The following UXS1 variants were observed in gnomAD, a reference collection of about 807,000 sequenced individuals.
The protein encoded by UXS1 is UDP-glucuronate decarboxylase 1, also known as UDP-glucuronic acid decarboxylase 1.
In UXS1, 33 loss-of-function variants were observed where a neutral mutation model predicts 62.6. The ratio of observed to expected loss-of-function variants is 0.53; its 90% CI spans 0.40 to 0.70. The LOEUF (loss-of-function observed/expected upper bound fraction) is 0.70. Among genes scored for constraint, UXS1 ranks in the 30% least tolerant of loss-of-function variants. The pLI is 0.00. For synonymous variants in UXS1, 213 were observed against 206.8 expected, an observed-to-expected ratio of 1.03 and a Z score of -0.26; for missense variants, 434 against 556.3, an observed-to-expected ratio of 0.78 and a Z score of 2.21.
intron 10 of UXS1, among the ~76,000 whole-genome samples, chr2:106,106,655 AG>A (rs1678095793): frequency 6.6e-6 from 1 of 152,170 alleles, no homozygotes; most frequent in Non-Finnish European, 1.5e-5. Flanking sequence ...TTGGAAGCAG[AG>A]GGGAATTCCT....
intron 4 of UXS1, chr2:106,160,099 G>C (rs567581889): frequency 1.3e-5 from 2 of 152,256 alleles, no homozygotes; most frequent in Non-Finnish European, 2.9e-5. Context: ...AGTCAGGAGC[G>C]ATGCTGTTAG....
At chr2:106,125,727 G>A in intron 7 of UXS1, 48 bp from the exon 8 acceptor site, 1 of 1,492,916 alleles carries the variant, frequency 6.7e-7, no homozygotes, top group Middle Eastern at 1.7e-4. Flanking sequence ...TACATGTGCA[G>A]GCACATTTTT....
intron 6 of UXS1, among the ~76,000 whole-genome samples, chr2:106,141,210 C>G (rs551957519): frequency 6.6e-6 from 1 of 151,920 alleles, no homozygotes; most frequent in East Asian, 1.9e-4. Context: ...TAAGCAGCTG[C>G]CAAAAAAGGT....
intron 6 of UXS1, among the ~76,000 whole-genome samples, chr2:106,140,736 C>T (rs934350449): frequency 3.3e-5 from 5 of 152,198 alleles, no homozygotes; most frequent in African/African-American, 1.2e-4. Flanking sequence ...ATTAGAATAG[C>T]ATTTGGAATA....
intron 8 of UXS1, among the ~76,000 whole-genome samples, chr2:106,123,927 T>C (rs1396209185): frequency 6.6e-6 from 1 of 152,212 alleles, no homozygotes; most frequent in Non-Finnish European, 1.5e-5. Context: ...AAGTCTGACT[T>C]GGGACTCAGT....
intron 5 of UXS1, among the ~76,000 whole-genome samples, chr2:106,150,092 C>T (rs1020071368): frequency 6.6e-6 from 1 of 152,132 alleles, no homozygotes; most frequent in Non-Finnish European, 1.5e-5. Context: ...GCAAAATTTA[C>T]AAGCCATGAG....
chr2:106,185,475 T>C (rs1684499886), intron 1 of UXS1, among the ~76,000 whole-genome samples: 1 of 152,154 alleles, frequency 6.6e-6, no homozygotes, highest in Admixed American at 6.5e-5. Flanking sequence ...CAATTCTGGC[T>C]CCTTGGAGAG....
intron 10 of UXS1, among the ~76,000 whole-genome samples, chr2:106,109,025 T>C (rs1249237049): frequency 6.6e-6 from 1 of 152,140 alleles, no homozygotes; most frequent in African/African-American, 2.4e-5. Context: ...CCTGGCCTGT[T>C]GTCAGCAAGA....
At chr2:106,190,041 C>G (rs1480819597) in intron 1 of UXS1, among the ~76,000 whole-genome samples, 1 of 152,178 alleles carries the variant, frequency 6.6e-6, no homozygotes, top group Non-Finnish European at 1.5e-5. Flanking sequence ...CGGGGCCCTT[C>G]TTCAGGAAGG....
chr2:106,112,640 A>AC lies in UXS1; in HGVS notation c.879+5dup. The AC allele has an allele frequency of 6.2e-7, 1 of 1,613,824 alleles. No homozygotes were observed. The highest frequency in any genetic ancestry group is 2.2e-5 in the East Asian group (1 of 44,866). On this transcript the variant is annotated splice_donor_region_variant and intron_variant, in intron 10 of 14. Coordinates refer to ENST00000283148, the MANE Select transcript of UXS1 (RefSeq NM_001253875.2). ...AGGTGCTCCCTGAGCCGAGGCCAGCACCTACCGTGAGTGGCTCCCCCTGGA... is the reference window on the plus strand; with the variant it reads ...AGGTGCTCCCTGAGCCGAGGCCAGCACCCTACCGTGAGTGGCTCCCCCTGGA...
intron 12 of UXS1, among the ~76,000 whole-genome samples, chr2:106,100,002 A>G (rs1458878203): frequency 1.3e-5 from 2 of 152,372 alleles, no homozygotes; most frequent in Non-Finnish European, 2.9e-5. Context: ...TGCATAAGCA[A>G]AGGTGACATG....
intron 4 of UXS1, among the ~76,000 whole-genome samples, chr2:106,159,595 T>A (rs1348812056): frequency 2.0e-5 from 3 of 152,330 alleles, no homozygotes; most frequent in African/African-American, 2.4e-5. Flanking sequence ...TTAAAAGTTA[T>A]TCAGTTAGGA....
intron 5 of UXS1, 25 bp downstream of exon 5, chr2:106,158,033 A>C: frequency 6.5e-7 from 1 of 1,530,802 alleles, no homozygotes; most frequent in Non-Finnish European, 8.9e-7. Context: ...AATATTACAA[A>C]TACTATTCAG....
At chr2:106,180,489 A>G (rs1255180506) in intron 1 of UXS1, among the ~76,000 whole-genome samples, 1 of 152,218 alleles carries the variant, frequency 6.6e-6, no homozygotes, top group Non-Finnish European at 1.5e-5. Flanking sequence ...TGCAATAAGT[A>G]TTTCAGTAAC....
intron 10 of UXS1, among the ~76,000 whole-genome samples, chr2:106,109,832 T>C (rs1336284725): frequency 6.6e-6 from 1 of 152,182 alleles, no homozygotes; most frequent in African/African-American, 2.4e-5. Flanking sequence ...ATCATACCCA[T>C]CCAGCTTGGA....
chr2:106,190,638 G>GA (rs1288594882), intron 1 of UXS1, among the ~76,000 whole-genome samples: 1 of 151,820 alleles, frequency 6.6e-6, no homozygotes, highest in Non-Finnish European at 1.5e-5. Context: ...AGCTACTCAG[G>GA]AGGCTGAGGC....
At position 106,101,072 on chromosome 2, in the gene UXS1, T is replaced by C; in HGVS notation, c.970A>G (p.Ser324Gly). The C allele has an allele frequency of 6.2e-7, 1 of 1,613,936 alleles. No homozygotes were observed. Residue 324 changes from serine (S) to glycine (G), a missense_variant, in exon 12 of 15, where the codon AGC becomes GGC. Ser to Gly is a moderately conservative substitution (Grantham distance 56, BLOSUM62 0). Coordinates refer to ENST00000283148, the MANE Select transcript of UXS1 (RefSeq NM_001253875.2). ...LVALMNSNVSSPVNLGNPEEH... is the reference protein window; with the variant it reads ...LVALMNSNVSGPVNLGNPEEH... ...GGAGCACTCACCAGGTTGACCGGGCTGCTGACGTTGCTGTTCATGAGAGCC... is the reference window on the plus strand; with the variant it reads ...GGAGCACTCACCAGGTTGACCGGGCCGCTGACGTTGCTGTTCATGAGAGCC...
In UXS1 at chr2:106,168,948, T is replaced by G. The variant is rs988864546; in HGVS notation, c.95-2865A>C. On this transcript the variant is annotated intron_variant, in intron 1 of 14. Transcript: ENST00000283148. ...TTTAAATGGTGACATGAGTAACTGT[T>G]TAATTTTCCTTGTGGTTAAGTGTTT... Among the ~76,000 whole-genome samples, 10 of 152,344 alleles carry G rather than the reference T, an allele frequency of 6.6e-5. No homozygotes were observed. In the South Asian group the frequency reaches 1.2e-3, roughly 19 times the overall value.
chr2:106,141,703 C>T (rs577550862), intron 6 of UXS1, among the ~76,000 whole-genome samples: 1 of 152,092 alleles, frequency 6.6e-6, no homozygotes, highest in Non-Finnish European at 1.5e-5. Context: ...CCTGCCTCAG[C>T]CTCCCAAAGT....
Sources: allele counts gnomAD v4.1 joint callset (sites outside exome capture counted in the v4.1 genomes callset), GRCh38; gene constraint gnomAD v4.1.1; transcripts MANE v1.5; gene names NCBI Gene and HGNC (gene_info 2026-07-23, HGNC 2026-07-21).